ULK4: variants seen among roughly 807,000 people sequenced by gnomAD.
The protein encoded by ULK4 is inactive serine/threonine-protein kinase ULK4.
Under a neutral mutation model 160.6 loss-of-function variants are expected in ULK4, and 133 were observed. The observed-to-expected ratio is 0.83, with a 90% confidence interval of 0.72 to 0.96. ULK4 has a LOEUF of 0.96. Among genes scored for constraint, ULK4 ranks in the 40% least tolerant of loss-of-function variants. The probability of loss-of-function intolerance (pLI) is 0.00; values close to 1 mark genes in which losing one functional copy is unlikely to be tolerated. For missense variants in ULK4, 1,580 were observed against 1,499.5 expected, an observed-to-expected ratio of 1.05 and a Z score of -0.89; for synonymous variants, 534 against 539.8, an observed-to-expected ratio of 0.99 and a Z score of 0.15.
chr3:41,495,437 T>C (rs13060367), intron 32 of ULK4, among the ~76,000 whole-genome samples: 67,521 of 150,492 alleles, frequency 0.45, 15,692 homozygotes, highest in Admixed American at 0.52. Flanking sequence ...TCAAGATGGA[T>C]TAAAGACTTA....
At chr3:41,248,600 AT>A (rs1254497029) in intron 36 of ULK4, among the ~76,000 whole-genome samples, 2 of 152,138 alleles carry the variant, frequency 1.3e-5, no homozygotes, top group African/African-American at 4.8e-5. Context: ...TCAGCCACTT[AT>A]TTTTCTTCAA....
At chr3:41,901,642 G>A (rs1255267467) in intron 12 of ULK4, among the ~76,000 whole-genome samples, 1 of 151,354 alleles carries the variant, frequency 6.6e-6, no homozygotes, top group African/African-American at 2.4e-5. Context: ...ACCATGCACT[G>A]CTAATTTCTG....
chr3:41,566,235 T>C, intron 31 of ULK4, 105 bp from the exon 32 acceptor site: 1 of 915,710 alleles, frequency 1.1e-6, no homozygotes, highest in Non-Finnish European at 1.7e-6. Context: ...TTGCACAAGG[T>C]TAAATGATTA....
Position 41,819,489 on chromosome 3 carries a change from G to GT in ULK4, c.1781dup (p.Asn594LysfsTer3). 6.2e-7 allele frequency: 1 copy of GT among 1,607,346 alleles called. No homozygotes were observed. The highest frequency in any genetic ancestry group is 2.2e-5 in the East Asian group (1 of 44,842). ...AGGGAACAGCCCAGCACTCTCTAGG[G>GT]TTCTTTTTTTTTTCTTCCTAAAATG... On this transcript the variant is annotated frameshift_variant, in exon 19 of 37. Coordinates refer to ENST00000301831, the MANE Select transcript of ULK4 (RefSeq NM_017886.4). LOFTEE classifies it high-confidence loss of function.
At chr3:41,692,366 G>A (rs923141164) in intron 27 of ULK4, among the ~76,000 whole-genome samples, 1 of 151,862 alleles carries the variant, frequency 6.6e-6, no homozygotes, top group Admixed American at 6.6e-5. Flanking sequence ...ACTGGTACGG[G>A]GTCACCTTAT....
At chr3:41,746,573 T>C (rs1297637312) in intron 22 of ULK4, among the ~76,000 whole-genome samples, 2 of 151,416 alleles carry the variant, frequency 1.3e-5, no homozygotes, top group African/African-American at 2.4e-5. Context: ...CAACTATCCC[T>C]GTATTGATGT....
intron 32 of ULK4, among the ~76,000 whole-genome samples, chr3:41,536,424 C>G (rs148840688): frequency 1.3e-5 from 2 of 152,028 alleles, no homozygotes; most frequent in Non-Finnish European, 2.9e-5. Context: ...AAAATGCAGG[C>G]GTTAAAGATG....
chr3:41,379,852 T>C (rs2125793506), intron 35 of ULK4, among the ~76,000 whole-genome samples: 1 of 152,322 alleles, frequency 6.6e-6, no homozygotes, highest in East Asian at 1.9e-4. Flanking sequence ...ATAGGTTTGC[T>C]ATGCTAAATG....
chr3:41,691,576 GAT>G (rs2036299590), intron 27 of ULK4, among the ~76,000 whole-genome samples: 1 of 151,744 alleles, frequency 6.6e-6, no homozygotes, highest in Non-Finnish European at 1.5e-5. Flanking sequence ...CTCCCCCAAA[GAT>G]GGGAAATTCT....
At chr3:41,831,079 G>A (rs1211457715) in intron 18 of ULK4, among the ~76,000 whole-genome samples, 3 of 151,772 alleles carry the variant, frequency 2.0e-5, no homozygotes, top group Non-Finnish European at 4.4e-5. Flanking sequence ...CCAGACTGGA[G>A]TGCAGTGGCA....
chr3:41,529,234 A>T (rs1001260375), intron 32 of ULK4, among the ~76,000 whole-genome samples: 2 of 152,188 alleles, frequency 1.3e-5, no homozygotes, highest in Middle Eastern at 3.2e-3. Flanking sequence ...ATATTCACAC[A>T]TTTCCATGAT....
intron 32 of ULK4, among the ~76,000 whole-genome samples, chr3:41,520,476 G>C (rs747699811): frequency 3.3e-5 from 5 of 152,134 alleles, no homozygotes; most frequent in Non-Finnish European, 7.4e-5. Context: ...GGAGACATGA[G>C]TTGTTTCCAT....
At chr3:41,789,534 G>T in intron 21 of ULK4, 127 bp downstream of exon 21, 3 of 842,624 alleles carry the variant, frequency 3.6e-6, no homozygotes, top group Non-Finnish European at 5.2e-6. Context: ...CAAAGGTTTG[G>T]CAAAGTTCAA....
chr3:41,577,636 G>A (rs964230725), intron 31 of ULK4, among the ~76,000 whole-genome samples: 1 of 148,990 alleles, frequency 6.7e-6, no homozygotes, highest in African/African-American at 2.5e-5. Context: ...CCCAACCTCT[G>A]GTAACCAACC....
At chr3:41,336,499 C>G (rs898131531) in intron 35 of ULK4, among the ~76,000 whole-genome samples, 3 of 152,190 alleles carry the variant, frequency 2.0e-5, no homozygotes, top group Non-Finnish European at 4.4e-5. Flanking sequence ...TACTTCTCCT[C>G]ACTGACTCTA....
chr3:41,824,536 A>G (rs2041272787), intron 18 of ULK4, among the ~76,000 whole-genome samples: 2 of 152,290 alleles, frequency 1.3e-5, no homozygotes, highest in Non-Finnish European at 1.5e-5. Context: ...CCTGGCTCGG[A>G]GGGTCCTACG....
intron 35 of ULK4, among the ~76,000 whole-genome samples, chr3:41,280,071 C>T (rs1000991862): frequency 3.9e-5 from 6 of 152,174 alleles, no homozygotes; most frequent in African/African-American, 1.4e-4. Context: ...AAGGCCATTA[C>T]ATAATGGTAA....
intron 30 of ULK4, among the ~76,000 whole-genome samples, chr3:41,641,344 G>A (rs566255823): frequency 1.3e-5 from 2 of 152,260 alleles, no homozygotes; most frequent in South Asian, 2.1e-4. Context: ...CTAAGTTGTC[G>A]AGGTAATAAA....
intron 25 of ULK4, among the ~76,000 whole-genome samples, chr3:41,706,819 C>G (rs1378760256): frequency 8.2e-6 from 1 of 122,194 alleles, no homozygotes; most frequent in Non-Finnish European, 1.6e-5. Flanking sequence ...CAGAGCGAGA[C>G]TCTGTCTCAA....
Sources: gnomAD v4.1 joint callset for allele counts (sites outside exome capture counted in the v4.1 genomes callset) on GRCh38, gnomAD v4.1.1 for gene constraint, MANE v1.5 for transcripts, NCBI Gene and HGNC (gene_info 2026-07-23, HGNC 2026-07-21) for gene names.